Variants in BCL6B observed in about 807,000 individuals in gnomAD.
BCL6B encodes the protein BCL6B transcription repressor.
Under a neutral mutation model 44.6 loss-of-function variants are expected in BCL6B, and 28 were observed. The observed-to-expected ratio is 0.63, with a 90% CI of 0.47 to 0.86. The LOEUF (loss-of-function observed/expected upper bound fraction) is 0.86. Ranked by LOEUF, BCL6B falls within the 40% of genes least tolerant of loss-of-function variation. The probability of loss-of-function intolerance (pLI) is 0.00; values close to 1 mark genes in which losing one functional copy is unlikely to be tolerated. For synonymous variants in BCL6B, 268 were observed against 263.6 expected, an observed-to-expected ratio of 1.02 and a Z score of -0.16; for missense variants, 626 against 652.3, an observed-to-expected ratio of 0.96 and a Z score of 0.44.
chr17:7,023,376 G>A (rs991212254), intron 1 of BCL6B: 4 of 429,020 alleles, frequency 9.3e-6, no homozygotes, highest in African/African-American at 6.1e-5. Context: ...GGCACTGGGG[G>A]TCGAACCCAG....
chr17:7,025,836 C>CAAAAAAA (rs56693603), intron 5 of BCL6B, among the ~76,000 whole-genome samples: 1 of 61,224 alleles, frequency 1.6e-5, no homozygotes, highest in African/African-American at 5.9e-5. Context: ...GACTCTGTCT[C>CAAAAAAA]AAAAAAAAAA....
Position 7,028,575 on chromosome 17 carries a change from C to G in BCL6B, c.*956C>G, listed in dbSNP as rs1910368701. 1 of 840,952 alleles carries G rather than the reference C, an allele frequency of 1.2e-6. No individual in the cohort carries two copies. 52.1% of individuals were successfully genotyped at this position (840,952 alleles called of 1,614,324 possible). A position where few individuals can be genotyped will look rare whatever the true frequency, so the allele number is the denominator to read the frequency against. On this transcript the variant is annotated 3_prime_UTR_variant, in exon 9 of 9. Transcript: ENST00000293805. The stretch of plus-strand genomic sequence containing the variant: ...TCACTTGGGTTTGGCTCTGCTGTAT[C>G]CATCTATAGTGGTAGAGACCCACCA...
intron 5 of BCL6B, 50 bp downstream of exon 5, chr17:7,025,250 T>G (rs1346783659): frequency 1.2e-6 from 2 of 1,605,706 alleles, no homozygotes; most frequent in South Asian, 2.2e-5. Context: ...TCCAGGCAAG[T>G]TTGTGCCAAA....
At position 7,024,522 on chromosome 17, in the gene BCL6B, C is replaced by T. The variant is rs1910228207; in HGVS notation, c.523C>T (p.Arg175Ter). ...EGHPDPPTES[R>*]SCSQGPPSPA... Reference sequence around the variant, plus strand: ...ACACCCAGACCCACCTACTGAATCTCGAAGCTGCAGTCAAGGCCCCCCCAG... The same window carrying T: ...ACACCCAGACCCACCTACTGAATCTTGAAGCTGCAGTCAAGGCCCCCCCAG... The change falls in exon 4 of 9, where the codon CGA becomes TGA. Residue 175 changes from arginine to a stop codon, truncating the protein, a stop_gained. Coordinates refer to ENST00000293805, the MANE Select transcript of BCL6B (RefSeq NM_181844.4). LOFTEE classifies it high-confidence loss of function. The surrounding 1 kb of genome is among the most constrained non-coding windows in gnomAD (Gnocchi z 6.6). The T allele has an allele frequency of 6.2e-7, 1 of 1,613,936 alleles. No homozygotes were observed. Among genetic ancestry groups the T allele is most frequent in the Non-Finnish European group, 8.5e-7 (1 of 1,179,980 alleles).
Position 7,024,688 on chromosome 17 carries a change from G to C in BCL6B, c.689G>C (p.Gly230Ala), listed in dbSNP as rs770571993. ...QPCPQARLPS[G>A]DEASSSSSSS... ...TGCCCCCAAGCCAGGCTCCCCAGTGGAGACGAGGCCTCCAGCAGCAGCAGC... is the reference window on the plus strand; with the variant it reads ...TGCCCCCAAGCCAGGCTCCCCAGTGCAGACGAGGCCTCCAGCAGCAGCAGC... The change falls in exon 4 of 9, where the codon GGA (glycine) becomes GCA (alanine). Residue 230 changes from glycine (G) to alanine (A), a missense_variant. Transcript: ENST00000293805. The surrounding 1 kb of genome is among the most constrained non-coding windows in gnomAD (Gnocchi z 6.6). The C allele has an allele frequency of 1.2e-6, 2 of 1,601,042 alleles. No homozygotes were observed. Among genetic ancestry groups the C allele is most frequent in the South Asian group, 1.1e-5 (1 of 90,212 alleles).
intron 5 of BCL6B, among the ~76,000 whole-genome samples, chr17:7,026,171 C>T (rs1348644094): frequency 6.6e-6 from 1 of 152,264 alleles, no homozygotes; most frequent in South Asian, 2.1e-4. Context: ...CCGACCGCCT[C>T]GGCCTCCCAA....
rs1032246276 is a variant in BCL6B, at chr17:7,026,750, G to C, written c.1100G>C (p.Arg367Pro). Residue 367 changes from arginine to proline, a missense_variant, in exon 7 of 9, where the codon CGG (arginine) becomes CCG (proline). Coordinates refer to ENST00000293805, the MANE Select transcript of BCL6B (RefSeq NM_181844.4). ...TCAATCTGCGGAGCCCGTTTTAACC[G>C]GCCAGCAAACCTGAAAACGCACAGC... ...HCSICGARFNRPANLKTHSRI... is the reference protein window; with the variant it reads ...HCSICGARFNPPANLKTHSRI... The C allele has an allele frequency of 6.2e-7, 1 of 1,614,186 alleles. No homozygotes were observed. The highest frequency in any genetic ancestry group is 8.5e-7 in the Non-Finnish European group (1 of 1,180,042).
chr17:7,027,073 G>A lies in BCL6B; in HGVS notation c.1309G>A (p.Glu437Lys). 4 of 1,614,022 alleles carry A rather than the reference G, an allele frequency of 2.5e-6. No homozygotes were observed. The highest frequency in any genetic ancestry group is 3.4e-6 in the Non-Finnish European group (4 of 1,180,028). ...LKSHVRIHTG[E>K]KPYHCDPCGL... ...GAGCCACGTTCGCATCCACACCGGAGAGAAGCCTTACCACGTGGGTACCCA... is the reference window on the plus strand; with the variant it reads ...GAGCCACGTTCGCATCCACACCGGAAAGAAGCCTTACCACGTGGGTACCCA... Residue 437 changes from glutamate (E) to lysine (K), a missense_variant, in exon 8 of 9, where the codon GAG becomes AAG. Glu to Lys is a moderately conservative substitution (Grantham distance 56). Coordinates refer to ENST00000293805, the MANE Select transcript of BCL6B (RefSeq NM_181844.4).
chr17:7,025,342 C>T, intron 5 of BCL6B, 142 bp downstream of exon 5: 2 of 1,184,490 alleles, frequency 1.7e-6, no homozygotes, highest in Non-Finnish European at 2.4e-6. Context: ...TAAACTCCCA[C>T]TGCCCAGGTC....
At position 7,028,010 on chromosome 17, in the gene BCL6B, C is replaced by T. The variant is rs575691550; in HGVS notation, c.*391C>T. On this transcript the variant is annotated 3_prime_UTR_variant, in exon 9 of 9. Coordinates refer to ENST00000293805, the MANE Select transcript of BCL6B (RefSeq NM_181844.4). ...GGGGCCTTCATTCGATTGCATTTCCCACTCCCCTCTTCCACAAGTGTGATT... is the reference window on the plus strand; with the variant it reads ...GGGGCCTTCATTCGATTGCATTTCCTACTCCCCTCTTCCACAAGTGTGATT... 4.3e-5 allele frequency: 44 copies of T among 1,021,526 alleles called. No homozygotes were observed. The East Asian group carries it at 3.9e-3, about 91-fold the overall frequency. The allele number at this position is 1,021,526 out of a possible 1,614,324, so 63.3% of individuals were successfully genotyped here.
At position 7,027,505 on chromosome 17, in the gene BCL6B, C is replaced by T. The variant is rs1175388791; in HGVS notation, c.1326C>T (p.Cys442=). 5.0e-6 allele frequency: 8 copies of T among 1,613,728 alleles called. No individual in the cohort carries two copies. Among genetic ancestry groups the T allele is most frequent in the South Asian group, 3.3e-5 (3 of 91,080 alleles). The change falls in exon 9 of 9, where the codon TGC becomes TGT. Residue 442 remains cysteine, a splice_region_variant and synonymous_variant. Transcript: ENST00000293805. ...CTGACTTGGCTGTCCTCCCACAGTG[C>T]GACCCCTGTGGCCTGCATTTCCGGC... The part of the protein sequence containing the change: ...RIHTGEKPYH[C]DPCGLHFRHK...
chr17:7,028,812 C>T lies in BCL6B; in HGVS notation c.*1193C>T. The T allele has an allele frequency of 1.0e-6, 1 of 985,402 alleles. No homozygotes were observed. The highest frequency in any genetic ancestry group is 1.2e-6 in the Non-Finnish European group (1 of 829,894). The allele number at this position is 985,402 out of a possible 1,614,324, so 61.0% of individuals were successfully genotyped here. ...AACAGTGTTAACCCATCCTTTACTA[C>T]AGAGGCATATGGGTTTGAATGTTAC... On this transcript the variant is annotated 3_prime_UTR_variant, in exon 9 of 9. Coordinates refer to ENST00000293805, the MANE Select transcript of BCL6B (RefSeq NM_181844.4).
At position 7,029,201 on chromosome 17, in the gene BCL6B, C is replaced by A; in HGVS notation, c.*1582C>A. Reference sequence around the variant, plus strand: ...GGATTAAGAGGTTGGTTGAGGGGTGCAGTTTCTGGTGTAGGCCAGGTAGGT... The same window carrying A: ...GGATTAAGAGGTTGGTTGAGGGGTGAAGTTTCTGGTGTAGGCCAGGTAGGT... On this transcript the variant is annotated 3_prime_UTR_variant, in exon 9 of 9. Transcript: ENST00000293805. 1 of 985,850 alleles carries A rather than the reference C, an allele frequency of 1.0e-6. No homozygotes were observed. Among genetic ancestry groups the A allele is most frequent in the African/African-American group, 1.7e-5 (1 of 57,362 alleles). 61.1% of individuals were successfully genotyped at this position (985,850 alleles called of 1,614,324 possible). A position where few individuals can be genotyped will look rare whatever the true frequency, so the allele number is the denominator to read the frequency against.
In BCL6B at chr17:7,028,155, G is replaced by C; in HGVS notation, c.*536G>C. On this transcript the variant is annotated 3_prime_UTR_variant, in exon 9 of 9. Transcript: ENST00000293805. The stretch of plus-strand genomic sequence containing the variant: ...ATTTCTGTCATAACTTTTATCTTTA[G>C]AATTGTTCTTTCTCCTGTTTGTTTG... 1.0e-6 allele frequency: 1 copy of C among 986,180 alleles called. No individual in the cohort carries two copies. The highest frequency in any genetic ancestry group is 1.2e-6 in the Non-Finnish European group (1 of 830,530). 61.1% of individuals were successfully genotyped at this position (986,180 alleles called of 1,614,324 possible).
In BCL6B at chr17:7,027,724, T is replaced by C. The variant is rs1474338888; in HGVS notation, c.*105T>C. 1 of 1,535,544 alleles carries C rather than the reference T, an allele frequency of 6.5e-7. No individual in the cohort carries two copies. The highest frequency in any genetic ancestry group is 8.7e-7 in the Non-Finnish European group (1 of 1,147,508). On this transcript the variant is annotated 3_prime_UTR_variant, in exon 9 of 9. Coordinates refer to ENST00000293805, the MANE Select transcript of BCL6B (RefSeq NM_181844.4). ...GGGCATAGGGGTGTGCCAGGCCACT[T>C]TGGTATCAGAAATTGCCACCCTCTT...
rs991976413 is a variant in BCL6B, at chr17:7,027,066, C to T, written c.1302C>T (p.His434=). Residue 434 remains histidine, a synonymous_variant, in exon 8 of 9, where the codon CAC becomes CAT. Coordinates refer to ENST00000293805, the MANE Select transcript of BCL6B (RefSeq NM_181844.4). ...CCCTCAAGAGCCACGTTCGCATCCA[C>T]ACCGGAGAGAAGCCTTACCACGTGG... ...LQTLKSHVRI[H]TGEKPYHCDP... The T allele has an allele frequency of 6.2e-7, 1 of 1,614,046 alleles. No individual in the cohort carries two copies. The highest frequency in any genetic ancestry group is 8.5e-7 in the Non-Finnish European group (1 of 1,180,028).
In BCL6B at chr17:7,025,177, C is replaced by G. The variant is rs1366150090; in HGVS notation, c.866C>G (p.Ser289Cys). ...SQAQDTSGSP[S>C]ERARPLPGSE... ...GCTCAAGACACCTCTGGATCACCCT[C>G]TGAACGGGCTCGTCCACTACCGGGT... Residue 289 changes from serine (S) to cysteine (C), a missense_variant, in exon 5 of 9, where the codon TCT (serine) becomes TGT (cysteine). Ser to Cys is a moderately radical substitution (Grantham distance 112, BLOSUM62 -1). Transcript: ENST00000293805. The G allele has an allele frequency of 1.2e-6, 2 of 1,614,212 alleles. No homozygotes were observed. Among genetic ancestry groups the G allele is most frequent in the Non-Finnish European group, 1.7e-6 (2 of 1,180,034 alleles).
At position 7,027,497 on chromosome 17, in the gene BCL6B, C is replaced by T; in HGVS notation, c.1324-6C>T. On this transcript the variant is annotated splice_polypyrimidine_tract_variant and splice_region_variant and intron_variant, in intron 8 of 8. Coordinates refer to ENST00000293805, the MANE Select transcript of BCL6B (RefSeq NM_181844.4). ...GGCAGGGCCTGACTTGGCTGTCCTC[C>T]CACAGTGCGACCCCTGTGGCCTGCA... The T allele has an allele frequency of 6.2e-7, 1 of 1,613,834 alleles. No individual in the cohort carries two copies. Among genetic ancestry groups the T allele is most frequent in the African/African-American group, 1.3e-5 (1 of 75,036 alleles).
In BCL6B at chr17:7,023,654, C is replaced by G; in HGVS notation, c.-12-6C>G. ...GGATCCAGAGCACTTTCCACGGCCT[C>G]TACAGGCCTGTGTCGCTATGGGTTC... On this transcript the variant is annotated splice_polypyrimidine_tract_variant and splice_region_variant and intron_variant, in intron 1 of 8. Transcript: ENST00000293805. 1.2e-6 allele frequency: 2 copies of G among 1,608,154 alleles called. No homozygotes were observed. The highest frequency in any genetic ancestry group is 1.7e-6 in the Non-Finnish European group (2 of 1,177,530).
Sources: gnomAD v4.1 joint callset for allele counts (sites outside exome capture counted in the v4.1 genomes callset) on GRCh38, gnomAD v4.1.1 for gene constraint, Gnocchi (gnomAD v3.1) non-coding constraint, MANE v1.5 for transcripts, NCBI Gene and HGNC (gene_info 2026-07-23, HGNC 2026-07-21) for gene names.